Variants in RIT1 observed in about 807,000 individuals in gnomAD.
RIT1 encodes the protein GTP-binding protein Rit1.
Under a neutral mutation model 25.6 loss-of-function variants are expected in RIT1, and 6 were observed. The ratio of observed to expected loss-of-function variants is 0.23; its 90% CI spans 0.13 to 0.46. The LOEUF (loss-of-function observed/expected upper bound fraction) is 0.46, where lower values mean the gene tolerates loss of function less well. Ranked by LOEUF, RIT1 falls within the 20% of genes least tolerant of loss-of-function variation. The pLI is 0.99. For synonymous variants in RIT1, 81 were observed against 94.1 expected (o/e 0.86, Z 0.80); for missense variants, 219 against 284.4 (o/e 0.77, Z 1.65).
chr1:155,898,612 G>C lies in RIT1; in HGVS notation c.*1776C>G, dbSNP rs966133561. 1 of 167,318 alleles carries C rather than the reference G, an allele frequency of 6.0e-6. No individual in the cohort carries two copies. The highest frequency in any genetic ancestry group is 1.3e-5 in the Non-Finnish European group (1 of 79,776). 10.4% of individuals were successfully genotyped at this position (167,318 alleles called of 1,614,324 possible). On this transcript the variant is annotated 3_prime_UTR_variant, in exon 6 of 6. Transcript: ENST00000368323. ...AAGCTATGGGCTTTAAACTTAAAAG[G>C]TGCTAAACCAGTTTAAATGTAAAAC...
intron 3 of RIT1, 173 bp downstream of exon 3, chr1:155,910,277 C>T: frequency 3.3e-6 from 2 of 605,734 alleles, no homozygotes; most frequent in South Asian, 4.2e-5. Context: ...GACATAAAGT[C>T]TGAAAAAAAA....
chr1:155,907,597 T>C (rs1673472834), intron 3 of RIT1, among the ~76,000 whole-genome samples: 1 of 152,240 alleles, frequency 6.6e-6, no homozygotes, highest in African/African-American at 2.4e-5. Context: ...TGTAAAGTTT[T>C]TCTGAGTTTA....
At position 155,908,910 on chromosome 1, in the gene RIT1, C is replaced by G. The variant is rs544676394; in HGVS notation, c.163+1540G>C. Among the ~76,000 whole-genome samples the G allele has an allele frequency of 8.6e-5, 13 of 151,974 alleles. No individual in the cohort carries two copies. The South Asian group carries it at 2.7e-3, about 32-fold the overall frequency. On this transcript the variant is annotated intron_variant, in intron 3 of 5. Coordinates refer to ENST00000368323, the MANE Select transcript of RIT1 (RefSeq NM_006912.6). Reference sequence around the variant, plus strand: ...AATTTGATATAGTACATGAAAAAGTCAAGACTTTTTCTATTTTTCCCATCC... The same window carrying G: ...AATTTGATATAGTACATGAAAAAGTGAAGACTTTTTCTATTTTTCCCATCC...
In RIT1 at chr1:155,904,814, G is replaced by A; in HGVS notation, c.164-10C>T. 1.3e-6 allele frequency: 2 copies of A among 1,585,702 alleles called. No homozygotes were observed. The highest frequency in any genetic ancestry group is 1.7e-6 in the Non-Finnish European group (2 of 1,154,348). On this transcript the variant is annotated splice_polypyrimidine_tract_variant and intron_variant, in intron 3 of 5. Transcript: ENST00000368323. ...ATCTTATAAGCATCTTCTACAGGAG[G>A]GAAGAAAGGTGTACTATAAAGTCAT...
chr1:155,900,396 C>T lies in RIT1; in HGVS notation c.652G>A (p.Val218Ile), dbSNP rs773340979. The T allele has an allele frequency of 6.2e-7, 1 of 1,612,932 alleles. No individual in the cohort carries two copies. Among genetic ancestry groups the T allele is most frequent in the South Asian group, 1.1e-5 (1 of 91,052 alleles). The change falls in exon 6 of 6, where the codon GTA (valine) becomes ATA (isoleucine). Residue 218 changes from valine to isoleucine, a missense_variant. By Grantham distance (29) the Val-to-Ile change is conservative (BLOSUM62 3). Around this residue, in one of 3 missense-constraint regions of RIT1, gnomAD observed 81 missense variants for 83.8 expected, o/e 0.97. Transcript: ENST00000368323. ...KSPFRKKKDS[V>I]T ...CACTTCACATCTTCTCTTCAAGTTA[C>T]TGAATCTTTCTTCTTCCGGAATGGT...
intron 3 of RIT1, among the ~76,000 whole-genome samples, chr1:155,905,169 G>A (rs969904877): frequency 6.6e-6 from 1 of 151,886 alleles, no homozygotes; most frequent in African/African-American, 2.4e-5. Context: ...AGGAGTTCAA[G>A]ACCAGCCTGG....
At chr1:155,901,741 C>T (rs1281419048) in intron 5 of RIT1, among the ~76,000 whole-genome samples, 1 of 151,970 alleles carries the variant, frequency 6.6e-6, no homozygotes, top group East Asian at 1.9e-4. Flanking sequence ...TCACTTGAGC[C>T]CAGGAGGTCA....
chr1:155,898,836 TAAAA>T lies in RIT1; in HGVS notation c.*1548_*1551del. On this transcript the variant is annotated 3_prime_UTR_variant, in exon 6 of 6. Coordinates refer to ENST00000368323, the MANE Select transcript of RIT1 (RefSeq NM_006912.6). ...TTAAAAAGGGACCACTACTCAGAGCTAAAAAAGTTCTAACAGTCACTTTTTAAAA... is the reference window on the plus strand; with the variant it reads ...TTAAAAAGGGACCACTACTCAGAGCTAAGTTCTAACAGTCACTTTTTAAAA... 5.2e-6 allele frequency: 1 copy of T among 192,252 alleles called. No individual in the cohort carries two copies. The highest frequency in any genetic ancestry group is 1.1e-5 in the Non-Finnish European group (1 of 91,832). 11.9% of individuals were successfully genotyped at this position (192,252 alleles called of 1,614,324 possible). A position where few individuals can be genotyped will look rare whatever the true frequency, so the allele number is the denominator to read the frequency against.
Position 155,900,146 on chromosome 1 carries a change from C to A in RIT1, c.*242G>T. On this transcript the variant is annotated 3_prime_UTR_variant, in exon 6 of 6. Coordinates refer to ENST00000368323, the MANE Select transcript of RIT1 (RefSeq NM_006912.6). ...ACATTAATTAATAGCGCAACAGAAC[C>A]CAAAACATTGGTAGAACAAATTCTA... The A allele has an allele frequency of 2.1e-6, 1 of 487,020 alleles. No individual in the cohort carries two copies. Among genetic ancestry groups the A allele is most frequent in the East Asian group, 3.3e-5 (1 of 30,434 alleles). The allele number at this position is 487,020 out of a possible 1,614,324, so 30.2% of individuals were successfully genotyped here. A position where few individuals can be genotyped will look rare whatever the true frequency, so the allele number is the denominator to read the frequency against.
chr1:155,908,018 G>C (rs959084493), intron 3 of RIT1, among the ~76,000 whole-genome samples: 17 of 151,744 alleles, frequency 1.1e-4, no homozygotes, highest in Non-Finnish European at 1.8e-4. Context: ...TGAACCCCGG[G>C]GGGGCGGAGC....
At chr1:155,910,904 C>A in intron 1 of RIT1, 100 bp from the exon 2 acceptor site, 4 of 1,559,616 alleles carry the variant, frequency 2.6e-6, no homozygotes, top group Non-Finnish European at 3.5e-6. Context: ...TGGCCTGTCC[C>A]TCTTACTCTG....
rs1459267236 is a variant in RIT1, at chr1:155,900,218, A to T, written c.*170T>A. The T allele has an allele frequency of 1.7e-6, 1 of 597,734 alleles. No homozygotes were observed. The highest frequency in any genetic ancestry group is 3.0e-6 in the Non-Finnish European group (1 of 337,208). 37.0% of individuals were successfully genotyped at this position (597,734 alleles called of 1,614,324 possible). On this transcript the variant is annotated 3_prime_UTR_variant, in exon 6 of 6. Coordinates refer to ENST00000368323, the MANE Select transcript of RIT1 (RefSeq NM_006912.6). ...CAGTGCTCCACTGGGTTAATAAATC[A>T]TACTTAACTAAGAGACAATACTTTA...
intron 3 of RIT1, among the ~76,000 whole-genome samples, chr1:155,908,562 ATTTT>A (rs397745289): frequency 7.1e-6 from 1 of 139,960 alleles, no homozygotes; most frequent in African/African-American, 2.6e-5. Flanking sequence ...TCTCTGAACA[ATTTT>A]TTTTTTTTTT....
intron 3 of RIT1, chr1:155,910,208 C>A: frequency 2.0e-6 from 1 of 501,322 alleles, no homozygotes; most frequent in South Asian, 2.4e-5. Context: ...TAAAAAAATA[C>A]AACAAAGAGA....
chr1:155,900,489 T>G lies in RIT1; in HGVS notation c.559A>C (p.Lys187Gln), dbSNP rs1673290609. The change falls in exon 6 of 6, where the codon AAG becomes CAG. Residue 187 changes from lysine (K) to glutamine (Q), a missense_variant. Lys to Gln is a moderately conservative substitution (Grantham distance 53). Coordinates refer to ENST00000368323, the MANE Select transcript of RIT1 (RefSeq NM_006912.6). The stretch of plus-strand genomic sequence containing the variant: ...TTCTCCATGGCCAGTACTGCCTCCT[T>G]TTCTTTCCTACGTATCTCCCGTACA... ...ALVREIRRKE[K>Q]EAVLAMEKKS... is the part of the protein sequence containing the mutation. 2 of 1,614,072 alleles carry G rather than the reference T, an allele frequency of 1.2e-6. No individual in the cohort carries two copies. The highest frequency in any genetic ancestry group is 1.3e-5 in the African/African-American group (1 of 74,934).
rs1202361651 is a variant in RIT1, at chr1:155,899,502, A to G, written c.*886T>C. 10 of 223,870 alleles carry G rather than the reference A, an allele frequency of 4.5e-5. No individual in the cohort carries two copies. In the East Asian group the frequency reaches 6.4e-4, roughly 14 times the overall value. 13.9% of individuals were successfully genotyped at this position (223,870 alleles called of 1,614,324 possible). On this transcript the variant is annotated 3_prime_UTR_variant, in exon 6 of 6. Transcript: ENST00000368323. Reference sequence around the variant, plus strand: ...TTTTACAGAGCACAAAGTGGGAGGAAGCAATGAATATAAATGTGTTGGTGT... The same window carrying G: ...TTTTACAGAGCACAAAGTGGGAGGAGGCAATGAATATAAATGTGTTGGTGT...
chr1:155,899,818 A>G lies in RIT1; in HGVS notation c.*570T>C. The G allele has an allele frequency of 4.6e-6, 1 of 216,752 alleles. No homozygotes were observed. The highest frequency in any genetic ancestry group is 9.3e-6 in the Non-Finnish European group (1 of 107,704). The allele number at this position is 216,752 out of a possible 1,614,324, so 13.4% of individuals were successfully genotyped here. A position where few individuals can be genotyped will look rare whatever the true frequency, so the allele number is the denominator to read the frequency against. On this transcript the variant is annotated 3_prime_UTR_variant, in exon 6 of 6. Transcript: ENST00000368323. ...AATACTGTTCTGAACCTACCTTTTT[A>G]AGTCCCTGCAAACATATAGCCCAAC...
Position 155,904,332 on chromosome 1 carries a change from T to C in RIT1, c.408A>G (p.Ser136=), listed in dbSNP as rs766640740. The C allele has an allele frequency of 9.9e-6, 16 of 1,613,394 alleles. No individual in the cohort carries two copies. In the Admixed American group the frequency reaches 2.7e-4, roughly 27 times the overall value. The change falls in exon 5 of 6, where the codon TCA becomes TCG. Residue 136 remains serine, a synonymous_variant. Coordinates refer to ENST00000368323, the MANE Select transcript of RIT1 (RefSeq NM_006912.6). ...DTPVVLVGNK[S]DLKQLRQVTK... ...TCACCTGTCTTAGCTGTTTGAGGTCTGACTTGTTTCCCACAAGAACCACAG... is the reference window on the plus strand; with the variant it reads ...TCACCTGTCTTAGCTGTTTGAGGTCCGACTTGTTTCCCACAAGAACCACAG...
Position 155,910,497 on chromosome 1 carries a change from A to G in RIT1, c.116T>C (p.Met39Thr), listed in dbSNP as rs2102590945. The change falls in exon 3 of 6, where the codon ATG becomes ACG. Residue 39 changes from methionine (M) to threonine (T), a missense_variant. Coordinates refer to ENST00000368323, the MANE Select transcript of RIT1 (RefSeq NM_006912.6). ...TGGGAATCGGTGGCTGATGAACTGC[A>G]TGGTCATGGCTTCAAAAGAAGAAAT... ...AGGVGKSAMT[M>T]QFISHRFPED... The G allele has an allele frequency of 6.2e-7, 1 of 1,614,214 alleles. No homozygotes were observed.
Sources: gnomAD v4.1 joint callset for allele counts (sites outside exome capture counted in the v4.1 genomes callset) on GRCh38, gnomAD v4.1.1 for gene constraint, gnomAD v4.1.1 regional missense constraint, MANE v1.5 for transcripts, NCBI Gene and HGNC (gene_info 2026-07-23, HGNC 2026-07-21) for gene names.